FRMD4A: variants seen among roughly 807,000 people sequenced by gnomAD.
The protein encoded by FRMD4A is FERM domain-containing protein 4A.
Under a neutral mutation model 129.1 loss-of-function variants are expected in FRMD4A, and 29 were observed. That is an observed-to-expected ratio of 0.22 (90% CI 0.17 to 0.31). FRMD4A has a LOEUF of 0.31. Among genes scored for constraint, FRMD4A ranks in the 10% least tolerant of loss-of-function variants. The pLI is 1.00. For synonymous variants in FRMD4A, 634 were observed against 571.6 expected, an observed-to-expected ratio of 1.11 and a Z score of -1.56; for missense variants, 1,272 against 1,375.8, an observed-to-expected ratio of 0.92 and a Z score of 1.19.
Position 14,225,128 on chromosome 10 carries a change from C to T in FRMD4A, c.45+104930G>A, listed in dbSNP as rs183535042. ...GAAAGAATAAATATACACCAGGTGG[C>T]GGTAAGTTAATAATATTTTACAAAT... On this transcript the variant is annotated intron_variant, in intron 2 of 24. Coordinates refer to ENST00000357447, the MANE Select transcript of FRMD4A (RefSeq NM_018027.5). 1.6e-4 allele frequency among the ~76,000 whole-genome samples: 25 copies of T among 152,148 alleles called. 1 individual carries two copies. Among genetic ancestry groups the T allele is most frequent in the Middle Eastern group, 6.8e-3 (2 of 294 alleles).
intron 2 of FRMD4A, among the ~76,000 whole-genome samples, chr10:14,279,172 A>G (rs1003004193): frequency 7.0e-6 from 1 of 142,138 alleles, no homozygotes; most frequent in Non-Finnish European, 1.5e-5. Flanking sequence ...GCCCCTGAGG[A>G]GGAAGCGGGA....
chr10:14,292,052 G>C (rs1190400463), intron 2 of FRMD4A, among the ~76,000 whole-genome samples: 2 of 152,092 alleles, frequency 1.3e-5, no homozygotes, highest in African/African-American at 4.8e-5. Flanking sequence ...AGACTACAGA[G>C]ACCTAAATAG....
intron 2 of FRMD4A, among the ~76,000 whole-genome samples, chr10:14,014,892 A>C (rs1467628215): frequency 6.6e-6 from 1 of 151,724 alleles, no homozygotes; most frequent in Non-Finnish European, 1.5e-5. Context: ...GGGCAGATAC[A>C]TTTTTCCCTC....
intron 2 of FRMD4A, among the ~76,000 whole-genome samples, chr10:14,189,686 A>C (rs1267529240): frequency 6.6e-6 from 1 of 152,218 alleles, no homozygotes; most frequent in African/African-American, 2.4e-5. Context: ...AAAAAAATAA[A>C]CAAAAAGAGG....
chr10:13,742,865 A>T (rs533092776), intron 9 of FRMD4A, among the ~76,000 whole-genome samples: 1 of 152,266 alleles, frequency 6.6e-6, no homozygotes, highest in East Asian at 1.9e-4. Context: ...GCCTTCTTTT[A>T]CCCACCTTTT....
intron 2 of FRMD4A, among the ~76,000 whole-genome samples, chr10:14,256,690 A>T (rs1025113415): frequency 1.3e-5 from 2 of 152,184 alleles, no homozygotes; most frequent in African/African-American, 4.8e-5. Flanking sequence ...ATTTTTGTTA[A>T]AGTATATGTG....
At chr10:13,871,794 C>T (rs189806272) in intron 2 of FRMD4A, among the ~76,000 whole-genome samples, 2 of 152,344 alleles carry the variant, frequency 1.3e-5, no homozygotes, top group East Asian at 3.9e-4. Flanking sequence ...GCTCCAGGCA[C>T]ACATCCCACT....
chr10:13,861,804 C>T (rs1006327577), intron 2 of FRMD4A, among the ~76,000 whole-genome samples: 1 of 152,150 alleles, frequency 6.6e-6, no homozygotes, highest in Non-Finnish European at 1.5e-5. Flanking sequence ...TTTAAAAATC[C>T]ATCAGCTTCC....
intron 3 of FRMD4A, among the ~76,000 whole-genome samples, chr10:13,858,206 G>T (rs1166346450): frequency 1.3e-5 from 2 of 152,328 alleles, no homozygotes; most frequent in East Asian, 3.9e-4. Flanking sequence ...GGCCGAGGCA[G>T]GCAGATCACC....
intron 2 of FRMD4A, among the ~76,000 whole-genome samples, chr10:14,264,442 G>C (rs566546435): frequency 6.6e-6 from 1 of 152,074 alleles, no homozygotes; most frequent in Admixed American, 6.5e-5. Flanking sequence ...TTATAAATGA[G>C]GTATTGCTGG....
chr10:13,675,171 A>G (rs2134733114), intron 15 of FRMD4A, 127 bp from the exon 16 acceptor site: 1 of 799,442 alleles, frequency 1.3e-6, no homozygotes, highest in Non-Finnish European at 2.1e-6. Context: ...AGTGTGAAAT[A>G]AAACAGGTGC....
chr10:14,001,817 A>G lies in FRMD4A; in HGVS notation c.46-142905T>C, dbSNP rs565462539. On this transcript the variant is annotated intron_variant, in intron 2 of 24. Transcript: ENST00000357447. Reference sequence around the variant, plus strand: ...GGGGGCTGGCTAATAATATGTGTGAATACACTGATCTGTCTGAACAGTTCT... The same window carrying G: ...GGGGGCTGGCTAATAATATGTGTGAGTACACTGATCTGTCTGAACAGTTCT... Among the ~76,000 whole-genome samples, 12 of 152,334 alleles carry G rather than the reference A, an allele frequency of 7.9e-5. No individual in the cohort carries two copies. In the South Asian group the frequency reaches 2.5e-3, roughly 32 times the overall value.
intron 2 of FRMD4A, among the ~76,000 whole-genome samples, chr10:14,024,230 T>C (rs1417832067): frequency 1.3e-5 from 2 of 152,222 alleles, no homozygotes; most frequent in African/African-American, 2.4e-5. Flanking sequence ...ATAAATCATG[T>C]GGACTTGGGA....
At chr10:13,769,541 C>T (rs1241736540) in intron 6 of FRMD4A, among the ~76,000 whole-genome samples, 1 of 152,124 alleles carries the variant, frequency 6.6e-6, no homozygotes, top group East Asian at 1.9e-4. Context: ...AACTCCTGGG[C>T]TCAAGTGATC....
chr10:13,753,049 T>C (rs1433194689), intron 8 of FRMD4A, among the ~76,000 whole-genome samples: 1 of 152,208 alleles, frequency 6.6e-6, no homozygotes, highest in African/African-American at 2.4e-5. Context: ...GTTCTAGATA[T>C]ACATACGTGG....
intron 2 of FRMD4A, among the ~76,000 whole-genome samples, chr10:13,968,646 G>A (rs2095499603): frequency 6.6e-6 from 1 of 152,150 alleles, no homozygotes; most frequent in African/African-American, 2.4e-5. Flanking sequence ...TAGAGATGGG[G>A]TTTCTCCATG....
chr10:13,672,031 C>T (rs1282686053), intron 16 of FRMD4A, among the ~76,000 whole-genome samples: 1 of 152,266 alleles, frequency 6.6e-6, no homozygotes, highest in African/African-American at 2.4e-5. Context: ...GTGATGCTGG[C>T]CCTTCTTCTC....
Position 13,817,506 on chromosome 10 carries a change from A to T in FRMD4A, c.112-6598T>A, listed in dbSNP as rs557196160. On this transcript the variant is annotated intron_variant, in intron 3 of 24. Transcript: ENST00000357447. ...TTGGCTGTGTCCCCATCCAAATCTC[A>T]CCTTGAATTGTAATAATCCCCAGGT... Among the ~76,000 whole-genome samples, 15 of 152,244 alleles carry T rather than the reference A, an allele frequency of 9.9e-5. No individual in the cohort carries two copies. In the East Asian group the frequency reaches 2.7e-3, roughly 27 times the overall value.
In FRMD4A at chr10:13,863,388, C is replaced by T. The variant is rs565905665; in HGVS notation, c.46-4476G>A. The stretch of plus-strand genomic sequence containing the variant: ...CCTCAGCTCAGGAGTTAGGGACCAA[C>T]CTGGGCAACATGGCAAAACCCTGTC... On this transcript the variant is annotated intron_variant, in intron 2 of 24. Transcript: ENST00000357447. 7.3e-5 allele frequency among the ~76,000 whole-genome samples: 11 copies of T among 151,500 alleles called. 1 individual carries two copies. In the South Asian group the frequency reaches 2.3e-3, roughly 32 times the overall value.
Sources: gnomAD v4.1 joint callset for allele counts (sites outside exome capture counted in the v4.1 genomes callset) on GRCh38, gnomAD v4.1.1 for gene constraint, MANE v1.5 for transcripts, NCBI Gene and HGNC (gene_info 2026-07-23, HGNC 2026-07-21) for gene names.